Variants in FBXO11 observed in about 807,000 individuals in gnomAD.
FBXO11 encodes F-box only protein 11.
FBXO11 carries 13 observed loss-of-function variants against 117.0 expected under a neutral mutation model. The observed-to-expected ratio is 0.11, with a 90% CI of 0.07 to 0.18. The LOEUF (loss-of-function observed/expected upper bound fraction) is 0.18. FBXO11 is among the 10% of genes least tolerant of loss of function. FBXO11 has a pLI of 1.00. For missense variants in FBXO11, 767 were observed against 1,164.4 expected (o/e 0.66, Z 4.97); for synonymous variants, 490 against 380.5 (o/e 1.29, Z -3.35).
At chr2:47,858,681 C>CAAAAAAAAAAAA (rs902232765) in intron 1 of FBXO11, among the ~76,000 whole-genome samples, 23 of 67,190 alleles carry the variant, frequency 3.4e-4, no homozygotes, top group South Asian at 5.2e-4. Context: ...GACTCTGCCT[C>CAAAAAAAAAAAA]AAAAAAAAAA....
In FBXO11 at chr2:47,905,577, C is replaced by T; in HGVS notation, c.144G>A (p.Pro48=). The change falls in exon 1 of 23, where the codon CCG becomes CCA. Residue 48 remains proline (P), a synonymous_variant. Coordinates refer to ENST00000403359, the MANE Select transcript of FBXO11 (RefSeq NM_001190274.2). The part of the protein sequence containing the change: ...QQPPQQQPPP[P]PQQQQQQQPP... ...GCTGCTGCTGCTGCTGCTGCTGCGGCGGCGGCGGAGGCTGCTGCTGGGGCG... is the reference window on the plus strand; with the variant it reads ...GCTGCTGCTGCTGCTGCTGCTGCGGTGGCGGCGGAGGCTGCTGCTGGGGCG... The T allele has an allele frequency of 8.0e-7, 1 of 1,257,584 alleles. No homozygotes were observed. The allele number at this position is 1,257,584 out of a possible 1,614,324, so 77.9% of individuals were successfully genotyped here.
Position 47,855,864 on chromosome 2 carries a change from C to T in FBXO11, c.233-16095G>A, listed in dbSNP as rs79019219. On this transcript the variant is annotated intron_variant, in intron 1 of 22. Transcript: ENST00000403359. ...TTCAAAAAAAAAAAAAGGAATGTTG[C>T]CTGGTGAAGCAAAGTAGAAAAAGCT... 3.8e-3 allele frequency among the ~76,000 whole-genome samples: 575 copies of T among 151,212 alleles called. 6 individuals are homozygous for T. Among genetic ancestry groups the T allele is most frequent in the African/African-American group, 0.013 (546 of 41,212 alleles).
intron 1 of FBXO11, 97 bp from the exon 2 acceptor site, chr2:47,839,866 G>T: frequency 9.6e-7 from 1 of 1,046,836 alleles, no homozygotes; most frequent in Non-Finnish European, 1.4e-6. Context: ...TCGGGAGGGA[G>T]CAGATGTAAG....
At position 47,810,341 on chromosome 2, in the gene FBXO11, G is replaced by A. The variant is rs1232852416; in HGVS notation, c.2313C>T (p.Asn771=). 6.2e-7 allele frequency: 1 copy of A among 1,608,344 alleles called. No individual in the cohort carries two copies. Among genetic ancestry groups the A allele is most frequent in the Non-Finnish European group, 8.5e-7 (1 of 1,177,748 alleles). The change falls in exon 19 of 23, where the codon AAC becomes AAT. Residue 771 remains asparagine, a synonymous_variant. Coordinates refer to ENST00000403359, the MANE Select transcript of FBXO11 (RefSeq NM_001190274.2). ...CTGCGGCAAATCCATCAAATATTCTGTTTTTCCTTAAGATTGGATGACTAT... is the reference window on the plus strand; with the variant it reads ...CTGCGGCAAATCCATCAAATATTCTATTTTTCCTTAAGATTGGATGACTAT... ...STNSHPILRK[N]RIFDGFAAGI...
rs1344986499 is a variant in FBXO11, at chr2:47,857,260, A to AC, written c.233-17492dup. On this transcript the variant is annotated intron_variant, in intron 1 of 22. Coordinates refer to ENST00000403359, the MANE Select transcript of FBXO11 (RefSeq NM_001190274.2). Reference sequence around the variant, plus strand: ...ATTTGTTTGGAGAGAAAAGATATACACAGCCATTAATGAGCAAGAAGGTAT... The same window carrying AC: ...ATTTGTTTGGAGAGAAAAGATATACACCAGCCATTAATGAGCAAGAAGGTAT... Among the ~76,000 whole-genome samples, 6 of 152,280 alleles carry AC rather than the reference A, an allele frequency of 3.9e-5. No individual in the cohort carries two copies. In the South Asian group the frequency reaches 1.2e-3, roughly 32 times the overall value.
chr2:47,903,664 T>A (rs1251781500), intron 1 of FBXO11, among the ~76,000 whole-genome samples: 1 of 152,246 alleles, frequency 6.6e-6, no homozygotes, highest in Non-Finnish European at 1.5e-5. Flanking sequence ...TTTGACACGT[T>A]TTGATCCAAT....
At chr2:47,868,898 T>G (rs1558458531) in intron 1 of FBXO11, among the ~76,000 whole-genome samples, 2 of 152,202 alleles carry the variant, frequency 1.3e-5, no homozygotes, top group Non-Finnish European at 2.9e-5. Context: ...GCATAGACAC[T>G]TCACAGCAAA....
chr2:47,857,115 G>A (rs1422766051), intron 1 of FBXO11, among the ~76,000 whole-genome samples: 1 of 152,062 alleles, frequency 6.6e-6, no homozygotes, highest in Non-Finnish European at 1.5e-5. Flanking sequence ...TCTTTACTTT[G>A]CACACAATTC....
At chr2:47,833,880 C>T (rs1004976881) in intron 7 of FBXO11, among the ~76,000 whole-genome samples, 7 of 151,554 alleles carry the variant, frequency 4.6e-5, no homozygotes, top group Non-Finnish European at 1.0e-4. Context: ...GTTGGCCAGG[C>T]CAGTCTTTAA....
At chr2:47,813,430 T>A (rs1339160241) in intron 17 of FBXO11, 53 bp from the exon 18 acceptor site, 2 of 925,482 alleles carry the variant, frequency 2.2e-6, no homozygotes, top group Non-Finnish European at 2.9e-6. Flanking sequence ...TTTTAATTTT[T>A]TTTTTTTTTT....
intron 1 of FBXO11, 151 bp downstream of exon 1, chr2:47,905,338 T>C (rs1191243034): frequency 2.6e-6 from 2 of 783,438 alleles, no homozygotes; most frequent in East Asian, 5.9e-5. Context: ...GGGCTGACAC[T>C]GCGGCACCGG....
intron 1 of FBXO11, among the ~76,000 whole-genome samples, chr2:47,900,609 C>CACATATAT (rs748053854): frequency 1.1e-4 from 10 of 91,174 alleles, no homozygotes; most frequent in South Asian, 3.2e-4. Context: ...CACGTATACA[C>CACATATAT]ACGTATATAC....
At chr2:47,903,783 T>C (rs1035153916) in intron 1 of FBXO11, among the ~76,000 whole-genome samples, 1 of 152,246 alleles carries the variant, frequency 6.6e-6, no homozygotes, top group Non-Finnish European at 1.5e-5. Flanking sequence ...TTCTCAAACA[T>C]ATTTGTCAGC....
rs79296634 is a variant in FBXO11, at chr2:47,867,927, T to A, written c.233-28158A>T. 1.5e-4 allele frequency among the ~76,000 whole-genome samples: 23 copies of A among 152,254 alleles called. No individual in the cohort carries two copies. The East Asian group carries it at 4.2e-3, about 28-fold the overall frequency. On this transcript the variant is annotated intron_variant, in intron 1 of 22. Transcript: ENST00000403359. ...ATGTCCAATAATTAGAAACAACAATTTTTTTTAAGTCTCTGAATATGGGCC... is the reference window on the plus strand; with the variant it reads ...ATGTCCAATAATTAGAAACAACAATATTTTTTAAGTCTCTGAATATGGGCC...
At position 47,900,717 on chromosome 2, in the gene FBXO11, CACGTATACACACACGTGTATATATAT is replaced by C. The variant is rs1678130358; in HGVS notation, c.232+4746_232+4771del. The stretch of plus-strand genomic sequence containing the variant: ...GTATACACACACGTGTATATATATA[CACGTATACACACACGTGTATATATAT>C]ACACGTATACACACACGTGTATATA... On this transcript the variant is annotated intron_variant, in intron 1 of 22. Coordinates refer to ENST00000403359, the MANE Select transcript of FBXO11 (RefSeq NM_001190274.2). Among the ~76,000 whole-genome samples the C allele has an allele frequency of 2.4e-5, 3 of 127,206 alleles. 1 individual carries two copies. The highest frequency in any genetic ancestry group is 7.8e-5 in the Admixed American group (1 of 12,896). 83.5% of individuals were successfully genotyped at this position (127,206 alleles called of 152,430 possible). A position where few individuals can be genotyped will look rare whatever the true frequency, so the allele number is the denominator to read the frequency against.
intron 14 of FBXO11, 120 bp downstream of exon 14, chr2:47,820,242 G>A: frequency 1.8e-6 from 1 of 554,492 alleles, no homozygotes; most frequent in Non-Finnish European, 3.1e-6. Flanking sequence ...AACTATTAAA[G>A]ACAGTCACAA....
At position 47,897,088 on chromosome 2, in the gene FBXO11, A is replaced by C. The variant is rs76862319; in HGVS notation, c.232+8401T>G. On this transcript the variant is annotated intron_variant, in intron 1 of 22. Coordinates refer to ENST00000403359, the MANE Select transcript of FBXO11 (RefSeq NM_001190274.2). ...AACAATAACTAGTAACATACATACC[A>C]AAGTTGTCCATCTCAATATATAACA... is the stretch of plus-strand genomic sequence containing the variant. 9.8e-3 allele frequency among the ~76,000 whole-genome samples: 1,500 copies of C among 152,334 alleles called. 30 individuals carry two copies. The highest frequency in any genetic ancestry group is 0.035 in the African/African-American group (1,461 of 41,566).
chr2:47,885,372 T>C (rs1676745529), intron 1 of FBXO11, among the ~76,000 whole-genome samples: 1 of 151,944 alleles, frequency 6.6e-6, no homozygotes, highest in Non-Finnish European at 1.5e-5. Flanking sequence ...GGTGAGTAAA[T>C]CATTGAGGTC....
chr2:47,839,397 G>A (rs781567723), intron 3 of FBXO11, 22 bp downstream of exon 3: 2 of 1,589,546 alleles, frequency 1.3e-6, no homozygotes, highest in Admixed American at 1.9e-5. Flanking sequence ...TACCCTATTT[G>A]TTACTTTCCC....
Sources: gnomAD v4.1 joint callset for allele counts (sites outside exome capture counted in the v4.1 genomes callset) on GRCh38, gnomAD v4.1.1 for gene constraint, MANE v1.5 for transcripts, NCBI Gene and HGNC (gene_info 2026-07-23, HGNC 2026-07-21) for gene names.